The following KCNMA1 variants were observed in gnomAD, a reference collection of about 807,000 sequenced individuals.
The protein encoded by KCNMA1 is potassium calcium-activated channel subfamily M alpha 1.
KCNMA1 carries 29 observed loss-of-function variants against 140.0 expected under a neutral mutation model. The observed-to-expected ratio is 0.21, with a 90% CI of 0.15 to 0.28. The LOEUF (loss-of-function observed/expected upper bound fraction) is 0.28, where lower values mean the gene tolerates loss of function less well. Ranked by LOEUF, KCNMA1 falls within the 10% of genes least tolerant of loss-of-function variation. The pLI is 1.00. For synonymous variants in KCNMA1, 612 were observed against 611.9 expected, an observed-to-expected ratio of 1.00 and a Z score of 0.00; for missense variants, 880 against 1,602.2, an observed-to-expected ratio of 0.55 and a Z score of 7.70.
chr10:77,583,289 G>A (rs2076363651), intron 1 of KCNMA1, among the ~76,000 whole-genome samples: 1 of 152,220 alleles, frequency 6.6e-6, no homozygotes, highest in Admixed American at 6.5e-5. Flanking sequence ...TCAGAAATGA[G>A]GTCAATGCAT....
intron 14 of KCNMA1, among the ~76,000 whole-genome samples, chr10:77,056,971 A>C (rs977209031): frequency 5.3e-5 from 8 of 152,206 alleles, no homozygotes; most frequent in African/African-American, 1.9e-4. Flanking sequence ...GGAATCCTAG[A>C]AGGAAAGCAG....
At chr10:77,333,394 AAG>A (rs1173009520) in intron 2 of KCNMA1, among the ~76,000 whole-genome samples, 2 of 46,332 alleles carry the variant, frequency 4.3e-5, no homozygotes, top group East Asian at 6.6e-4. Flanking sequence ...GAAAGAAAGA[AAG>A]AAAGAAAAGA....
intron 1 of KCNMA1, among the ~76,000 whole-genome samples, chr10:77,555,519 CT>C (rs1459067957): frequency 6.6e-6 from 1 of 152,152 alleles, no homozygotes; most frequent in African/African-American, 2.4e-5. Flanking sequence ...TCAAGCTTGT[CT>C]TTCTGAACAG....
intron 18 of KCNMA1, among the ~76,000 whole-genome samples, chr10:77,006,288 G>C (rs908603796): frequency 1.3e-5 from 2 of 151,904 alleles, no homozygotes; most frequent in African/African-American, 4.8e-5. Context: ...GACTGGGATG[G>C]AAGAAAAAAA....
chr10:77,302,147 A>T (rs1053861918), intron 2 of KCNMA1, among the ~76,000 whole-genome samples: 11 of 152,164 alleles, frequency 7.2e-5, no homozygotes, highest in African/African-American at 2.7e-4. Flanking sequence ...GATAGTAAAC[A>T]GCAGACCTAG....
At chr10:77,497,441 T>A (rs77783752) in intron 1 of KCNMA1, among the ~76,000 whole-genome samples, 1 of 151,896 alleles carries the variant, frequency 6.6e-6, no homozygotes, top group Non-Finnish European at 1.5e-5. Context: ...GCTCACAGAG[T>A]CTATTCCTGA....
At chr10:77,308,322 G>A (rs754685938) in intron 2 of KCNMA1, among the ~76,000 whole-genome samples, 59 of 152,320 alleles carry the variant, frequency 3.9e-4, no homozygotes, top group Admixed American at 3.7e-3. Flanking sequence ...TGTCACTGAA[G>A]TTCACACACT....
chr10:77,599,829 C>T (rs958480200), intron 1 of KCNMA1, among the ~76,000 whole-genome samples: 4 of 152,246 alleles, frequency 2.6e-5, no homozygotes, highest in East Asian at 1.9e-4. Context: ...AATGACACCA[C>T]TCCCACCTCA....
intron 2 of KCNMA1, among the ~76,000 whole-genome samples, chr10:77,367,658 T>C (rs536354072): frequency 7.2e-4 from 110 of 152,336 alleles, no homozygotes; most frequent in Admixed American, 1.7e-3. Flanking sequence ...ATAATCAAGA[T>C]ACAGAACAAC....
At chr10:77,520,595 C>T (rs1203047932) in intron 1 of KCNMA1, among the ~76,000 whole-genome samples, 3 of 152,066 alleles carry the variant, frequency 2.0e-5, no homozygotes, top group Non-Finnish European at 1.5e-5. Flanking sequence ...TTGGCCCCCA[C>T]ACCAATCCAG....
At chr10:77,080,910 G>T (rs1180752490) in intron 12 of KCNMA1, among the ~76,000 whole-genome samples, 1 of 152,146 alleles carries the variant, frequency 6.6e-6, no homozygotes, top group Non-Finnish European at 1.5e-5. Flanking sequence ...TTCTAAGCAG[G>T]GCTTTTAGGA....
intron 23 of KCNMA1, among the ~76,000 whole-genome samples, chr10:76,926,129 C>T (rs891937489): frequency 1.5e-4 from 23 of 152,162 alleles, no homozygotes; most frequent in African/African-American, 5.6e-4. Context: ...CATACATACA[C>T]ACACGAATCT....
chr10:77,571,273 T>C (rs1431740396), intron 1 of KCNMA1, among the ~76,000 whole-genome samples: 1 of 152,188 alleles, frequency 6.6e-6, no homozygotes, highest in Non-Finnish European at 1.5e-5. Context: ...ATTTTGAGAG[T>C]GAAAGCTCAT....
chr10:77,126,727 C>CCCCA (rs2097746990), intron 5 of KCNMA1, among the ~76,000 whole-genome samples: 1 of 3,514 alleles, frequency 2.8e-4, no homozygotes, highest in African/African-American at 4.1e-4. Context: ...ACCCCCCCAC[C>CCCCA]CCCCCCCCAC....
chr10:77,604,151 C>T (rs4261229), intron 1 of KCNMA1, among the ~76,000 whole-genome samples: 3 of 152,210 alleles, frequency 2.0e-5, no homozygotes, highest in Non-Finnish European at 2.9e-5. Context: ...GAAGTGAATG[C>T]TAGGAGTTGC....
At chr10:77,034,902 G>C (rs1194983031) in intron 15 of KCNMA1, among the ~76,000 whole-genome samples, 2 of 152,102 alleles carry the variant, frequency 1.3e-5, no homozygotes, top group African/African-American at 4.8e-5. Context: ...CTGACTAATA[G>C]GTTCCCGGTG....
chr10:77,193,847 T>G (rs879690689), intron 3 of KCNMA1, among the ~76,000 whole-genome samples: 1 of 152,144 alleles, frequency 6.6e-6, no homozygotes, highest in Non-Finnish European at 1.5e-5. Flanking sequence ...AATGCTGGCA[T>G]GGGGAATGGA....
At chr10:77,140,261 G>A (rs1031568810) in intron 5 of KCNMA1, 1 of 147,586 alleles carries the variant, frequency 6.8e-6, no homozygotes, top group Non-Finnish European at 1.5e-5. Context: ...ATACTTTTGG[G>A]AGGAGAAGAG....
In KCNMA1 at chr10:77,278,425, A is replaced by G. The variant is rs1516506; in HGVS notation, c.541-27169T>C. On this transcript the variant is annotated intron_variant, in intron 2 of 27. Transcript: ENST00000286628. ...GAATGGCTGGGAAGATAATCTATCA[A>G]AAGTAAGAAAAGTGATAAATGTGTG... is the stretch of plus-strand genomic sequence containing the variant. 8.0e-3 allele frequency among the ~76,000 whole-genome samples: 1,213 copies of G among 152,312 alleles called. 18 individuals are homozygous for G. Among genetic ancestry groups the G allele is most frequent in the African/African-American group, 0.028 (1,159 of 41,552 alleles).
Sources: gnomAD v4.1 joint callset for allele counts (sites outside exome capture counted in the v4.1 genomes callset) on GRCh38, gnomAD v4.1.1 for gene constraint, MANE v1.5 for transcripts, NCBI Gene and HGNC (gene_info 2026-07-23, HGNC 2026-07-21) for gene names.